MICAL3: variants seen among roughly 807,000 people sequenced by gnomAD.
MICAL3 encodes [F-actin]-monooxygenase MICAL3.
MICAL3 carries 62 observed loss-of-function variants against 207.4 expected under a neutral mutation model. The observed-to-expected ratio is 0.30, with a 90% CI of 0.24 to 0.37. The LOEUF (loss-of-function observed/expected upper bound fraction) is 0.37, where lower values mean the gene tolerates loss of function less well. MICAL3 is among the 10% of genes least tolerant of loss of function. The pLI is 1.00. For missense variants in MICAL3, 2,368 were observed against 2,635.6 expected (o/e 0.90, Z 2.22); for synonymous variants, 1,077 against 1,069.3 (o/e 1.01, Z -0.14).
At chr22:18,018,492 G>A (rs952921511) in intron 1 of MICAL3, among the ~76,000 whole-genome samples, 8 of 152,120 alleles carry the variant, frequency 5.3e-5, no homozygotes, top group African/African-American at 1.7e-4. Context: ...GGGAGGCCAA[G>A]GCAGGTGGAT....
At chr22:17,832,598 T>C (rs1922922051) in intron 20 of MICAL3, among the ~76,000 whole-genome samples, 1 of 152,172 alleles carries the variant, frequency 6.6e-6, no homozygotes, top group Non-Finnish European at 1.5e-5. Context: ...AGCAGGGCAG[T>C]GGACTCATTC....
chr22:17,838,091 C>G (rs1405916542), intron 20 of MICAL3, among the ~76,000 whole-genome samples: 1 of 152,228 alleles, frequency 6.6e-6, no homozygotes. Flanking sequence ...GGGTGTGAGC[C>G]ACCATGCCTG....
chr22:17,896,196 CCTT>C (rs1930814663), intron 9 of MICAL3, 47 bp downstream of exon 9: 2 of 1,043,346 alleles, frequency 1.9e-6, no homozygotes, highest in Non-Finnish European at 1.5e-6. Flanking sequence ...GTAAACCACT[CCTT>C]CTTCCCAGTT....
chr22:18,024,248 C>G (rs1924659894), intron 1 of MICAL3, 33 bp downstream of exon 1: 1 of 152,286 alleles, frequency 6.6e-6, no homozygotes, highest in South Asian at 2.1e-4. Flanking sequence ...CATTTAGATT[C>G]GCTCGCCCAC....
chr22:17,920,508 C>A lies in MICAL3; in HGVS notation c.-74-13622G>T, dbSNP rs1015030419. ...TCTTATCTGGCTAGCTCCCTGGCTG[C>A]AGCGCTTCCTGGAACCCGCCCTCCC... On this transcript the variant is annotated intron_variant, in intron 1 of 31. Transcript: ENST00000441493. Among the ~76,000 whole-genome samples the A allele has an allele frequency of 5.3e-5, 8 of 152,198 alleles. No individual in the cohort carries two copies. In the South Asian group the frequency reaches 1.7e-3, roughly 32 times the overall value.
intron 19 of MICAL3, chr22:17,862,626 A>G (rs1926645992): frequency 1.0e-6 from 1 of 985,278 alleles, no homozygotes; most frequent in African/African-American, 1.7e-5. Flanking sequence ...TCAGTTTCAT[A>G]TTTAAAGAAG....
intron 1 of MICAL3, among the ~76,000 whole-genome samples, chr22:18,003,448 C>T (rs1051565978): frequency 1.3e-5 from 2 of 152,284 alleles, no homozygotes; most frequent in South Asian, 4.1e-4. Flanking sequence ...TCCACAATTC[C>T]TGCCTTCAGC....
chr22:17,869,599 C>G lies in MICAL3; in HGVS notation c.2428+2238G>C, dbSNP rs112663353. Among the ~76,000 whole-genome samples, 187 of 152,324 alleles carry G rather than the reference C, an allele frequency of 1.2e-3. 1 individual carries two copies. Among genetic ancestry groups the G allele is most frequent in the Non-Finnish European group, 2.3e-3 (155 of 68,026 alleles). ...AGCAGACGGCATCCTCCAGAAAGAG[C>G]TGAAGACAGAACAAATAGCACCACA... On this transcript the variant is annotated intron_variant, in intron 17 of 31. Transcript: ENST00000441493.
intron 1 of MICAL3, among the ~76,000 whole-genome samples, chr22:17,949,970 GC>G (rs1319783753): frequency 2.0e-5 from 3 of 152,230 alleles, no homozygotes; most frequent in African/African-American, 7.2e-5. Context: ...GAGCTAAAGT[GC>G]TTCCAGAGAC....
intron 15 of MICAL3, among the ~76,000 whole-genome samples, chr22:17,886,735 G>T (rs1362060135): frequency 6.6e-6 from 1 of 150,946 alleles, no homozygotes; most frequent in African/African-American, 2.4e-5. Flanking sequence ...AACCCTGGAG[G>T]TGCAGGTTGC....
intron 29 of MICAL3, among the ~76,000 whole-genome samples, chr22:17,798,583 G>A (rs1048399062): frequency 4.6e-5 from 7 of 152,068 alleles, no homozygotes; most frequent in African/African-American, 1.7e-4. Context: ...ACTTGTTTTG[G>A]CGGTGATGCC....
chr22:17,834,534 T>C (rs1207694262), intron 20 of MICAL3: 2 of 1,193,598 alleles, frequency 1.7e-6, no homozygotes, highest in South Asian at 1.4e-5. Flanking sequence ...TGGGCAACCA[T>C]GGGGAGACCC....
chr22:17,814,430 C>A (rs932122835), intron 27 of MICAL3: 1 of 152,196 alleles, frequency 6.6e-6, no homozygotes, highest in Non-Finnish European at 1.5e-5. Context: ...AACTTTCCTA[C>A]ATAAAAGTAC....
chr22:17,965,183 C>CAAA (rs370246938), intron 1 of MICAL3, among the ~76,000 whole-genome samples: 18 of 105,618 alleles, frequency 1.7e-4, no homozygotes, highest in African/African-American at 4.7e-4. Flanking sequence ...ACCCCGTCTC[C>CAAA]AAAAAAAAAA....
intron 22 of MICAL3, among the ~76,000 whole-genome samples, chr22:17,824,353 G>A (rs1175247546): frequency 6.6e-6 from 1 of 152,224 alleles, no homozygotes; most frequent in East Asian, 1.9e-4. Flanking sequence ...GGGAACTGAT[G>A]GCGCCCGGTT....
intron 19 of MICAL3, among the ~76,000 whole-genome samples, chr22:17,846,767 G>T (rs915797747): frequency 2.6e-5 from 4 of 152,216 alleles, no homozygotes; most frequent in Non-Finnish European, 4.4e-5. Flanking sequence ...TGAAAGATCT[G>T]CAATAATTTC....
chr22:17,958,129 G>A (rs1216782783), intron 1 of MICAL3, among the ~76,000 whole-genome samples: 2 of 141,018 alleles, frequency 1.4e-5, no homozygotes, highest in Admixed American at 7.6e-5. Flanking sequence ...TTAAAATAAC[G>A]TGGACCCCAT....
intron 27 of MICAL3, chr22:17,813,003 G>A (rs2062064873): frequency 6.6e-6 from 1 of 152,112 alleles, no homozygotes; most frequent in East Asian, 1.9e-4. Flanking sequence ...GGGAGGAAAG[G>A]GGGTCCTGCT....
At position 17,793,738 on chromosome 22, in the gene MICAL3, C is replaced by A. The variant is rs1321632180; in HGVS notation, c.5651-2437G>T. 1 of 152,330 alleles carries A rather than the reference C, an allele frequency of 6.6e-6. No individual in the cohort carries two copies. Among genetic ancestry groups the A allele is most frequent in the East Asian group, 1.9e-4 (1 of 5,166 alleles). 9.4% of individuals were successfully genotyped at this position (152,330 alleles called of 1,614,324 possible). ...GGCGAGGTTACGTTACCTTCCTGGA[C>A]ACAGCAAGGGCAGAAGGAGAGAGGT... is the stretch of plus-strand genomic sequence containing the variant. On this transcript the variant is annotated intron_variant, in intron 29 of 31. Coordinates refer to ENST00000441493, the MANE Select transcript of MICAL3 (RefSeq NM_015241.3). The surrounding 1 kb of genome is among the most constrained non-coding windows in gnomAD (Gnocchi z 4.1).
Sources: allele counts gnomAD v4.1 joint callset (sites outside exome capture counted in the v4.1 genomes callset), GRCh38; gene constraint gnomAD v4.1.1; non-coding constraint Gnocchi (gnomAD v3.1); transcripts MANE v1.5; gene names NCBI Gene and HGNC (gene_info 2026-07-23, HGNC 2026-07-21).